The following AKAP13 variants were observed in gnomAD, a reference collection of about 807,000 sequenced individuals.
The protein encoded by AKAP13 is A-kinase anchor protein 13.
A neutral mutation model predicts 264.5 loss-of-function variants in AKAP13; 80 were observed. The ratio of observed to expected loss-of-function variants is 0.30; its 90% CI spans 0.25 to 0.36. The LOEUF is 0.36. Among genes scored for constraint, AKAP13 ranks in the 10% least tolerant of loss-of-function variants. The probability of loss-of-function intolerance (pLI) is 1.00; values close to 1 mark genes in which losing one functional copy is unlikely to be tolerated. For missense variants in AKAP13, 3,712 were observed against 3,435.2 expected, an observed-to-expected ratio of 1.08 and a Z score of -2.01; for synonymous variants, 1,380 against 1,250.2, an observed-to-expected ratio of 1.10 and a Z score of -2.19.
chr15:85,692,055 G>A (rs988113740), intron 16 of AKAP13, among the ~76,000 whole-genome samples: 1 of 152,030 alleles, frequency 6.6e-6, no homozygotes, highest in African/African-American at 2.4e-5. Flanking sequence ...CAACAAAGGT[G>A]GTTTTTGAGA....
intron 1 of AKAP13, among the ~76,000 whole-genome samples, chr15:85,438,593 C>G (rs1438984037): frequency 2.1e-5 from 3 of 146,314 alleles, no homozygotes; most frequent in African/African-American, 5.1e-5. Context: ...GTAACCAAAA[C>G]AGCATGGTAC....
At chr15:85,473,732 G>A (rs1384770350) in intron 1 of AKAP13, among the ~76,000 whole-genome samples, 1 of 152,128 alleles carries the variant, frequency 6.6e-6, no homozygotes, top group Non-Finnish European at 1.5e-5. Context: ...GAGAGGGGAG[G>A]GAGGTGAAGC....
Position 85,579,398 on chromosome 15 carries a change from G to A in AKAP13, c.1330G>A (p.Ala444Thr), listed in dbSNP as rs1402978549. ...CCAGGAGTCCCTGAGCAGTGGAGATGCTGTGCTTCAGAGAGACTTGGTCAT... is the reference window on the plus strand; with the variant it reads ...CCAGGAGTCCCTGAGCAGTGGAGATACTGTGCTTCAGAGAGACTTGGTCAT... ...TDQESLSSGD[A>T]VLQRDLVMEP... The change falls in exon 7 of 37, where the codon GCT (alanine) becomes ACT (threonine). Residue 444 changes from alanine to threonine, a missense_variant. Coordinates refer to ENST00000394518, the MANE Select transcript of AKAP13 (RefSeq NM_007200.5). The A allele has an allele frequency of 1.2e-6, 2 of 1,614,044 alleles. No homozygotes were observed. The highest frequency in any genetic ancestry group is 2.7e-5 in the African/African-American group (2 of 74,936).
In AKAP13 at chr15:85,513,840, G is replaced by A. The variant is rs578080222; in HGVS notation, c.34-7588G>A. On this transcript the variant is annotated intron_variant, in intron 2 of 36. Coordinates refer to ENST00000394518, the MANE Select transcript of AKAP13 (RefSeq NM_007200.5). ...CTTAATAGACTGTTTCTCATTGTCC[G>A]ACGTTTCCTTGTGATTAGGTTGAGG... Among the ~76,000 whole-genome samples, 5 of 140,604 alleles carry A rather than the reference G, an allele frequency of 3.6e-5. 1 individual carries two copies. The highest frequency in any genetic ancestry group is 2.0e-4 in the East Asian group (1 of 4,962). The allele number at this position is 140,604 out of a possible 152,430, so 92.2% of individuals were successfully genotyped here. A position where few individuals can be genotyped will look rare whatever the true frequency, so the allele number is the denominator to read the frequency against.
At chr15:85,667,894 G>A (rs956994607) in intron 13 of AKAP13, among the ~76,000 whole-genome samples, 1 of 152,168 alleles carries the variant, frequency 6.6e-6, no homozygotes, top group African/African-American at 2.4e-5. Flanking sequence ...TTAGTAAGAC[G>A]TTACTACTAC....
At chr15:85,737,920 T>G (rs2088661312) in intron 33 of AKAP13, among the ~76,000 whole-genome samples, 2 of 152,104 alleles carry the variant, frequency 1.3e-5, no homozygotes, top group Admixed American at 1.3e-4. Context: ...GTTACAGGCG[T>G]GAGTCACTGC....
intron 8 of AKAP13, among the ~76,000 whole-genome samples, chr15:85,615,443 G>A (rs34387822): frequency 0.41 from 62,768 of 151,766 alleles, 13,786 homozygotes; most frequent in East Asian, 0.57. Context: ...ATCCTTTGCA[G>A]CCATTGTAAA....
chr15:85,442,429 T>A (rs1369217249), intron 1 of AKAP13, among the ~76,000 whole-genome samples: 17 of 127,560 alleles, frequency 1.3e-4, no homozygotes, highest in African/African-American at 3.5e-4. Flanking sequence ...AAAAAATATA[T>A]ATATATATAA....
intron 4 of AKAP13, chr15:85,534,212 T>C (rs1238004692): frequency 2.8e-6 from 1 of 356,064 alleles, no homozygotes; most frequent in Non-Finnish European, 5.0e-6. Context: ...CTTTTTGGTG[T>C]TTAATGATCA....
chr15:85,430,751 T>C (rs2072991347), intron 1 of AKAP13, among the ~76,000 whole-genome samples: 1 of 152,228 alleles, frequency 6.6e-6, no homozygotes, highest in South Asian at 2.1e-4. Flanking sequence ...CGGGGCGTCA[T>C]GCTTGCTGGC....
chr15:85,587,145 A>T (rs2079394460), intron 8 of AKAP13, among the ~76,000 whole-genome samples: 1 of 152,206 alleles, frequency 6.6e-6, no homozygotes, highest in African/African-American at 2.4e-5. Context: ...CCCCAGACCC[A>T]TTAGCAGTGT....
chr15:85,605,051 A>G (rs912740662), intron 8 of AKAP13, among the ~76,000 whole-genome samples: 1 of 152,140 alleles, frequency 6.6e-6, no homozygotes, highest in African/African-American at 2.4e-5. Context: ...GCCCCTGGTA[A>G]TAATTTATGC....
chr15:85,516,953 GTATT>G (rs1169285100), intron 2 of AKAP13, among the ~76,000 whole-genome samples: 8 of 152,202 alleles, frequency 5.3e-5, no homozygotes, highest in African/African-American at 1.7e-4. Flanking sequence ...TAAGTTTTGA[GTATT>G]TATGACATTT....
At chr15:85,719,809 G>C (rs564166619) in intron 23 of AKAP13, among the ~76,000 whole-genome samples, 1 of 152,000 alleles carries the variant, frequency 6.6e-6, no homozygotes, top group South Asian at 2.1e-4. Flanking sequence ...GTGGCATATG[G>C]GAGACTGAGA....
chr15:85,595,935 C>CG (rs2079805684), intron 8 of AKAP13, among the ~76,000 whole-genome samples: 1 of 152,150 alleles, frequency 6.6e-6, no homozygotes, highest in Non-Finnish European at 1.5e-5. Flanking sequence ...AGTAGTATTT[C>CG]TGTTTAAATA....
chr15:85,581,439 A>T lies in AKAP13; in HGVS notation c.3371A>T (p.Gln1124Leu). The T allele has an allele frequency of 6.2e-7, 1 of 1,614,238 alleles. No individual in the cohort carries two copies. Residue 1124 changes from glutamine to leucine, a missense_variant, in exon 7 of 37, where the codon CAA (glutamine) becomes CTA (leucine). Physicochemically the swap from Gln to Leu is moderately radical, Grantham distance 113. This residue lies in a region of AKAP13 where 2,759 missense variants were observed against 2,411.7 expected (regional missense o/e 1.14). Coordinates refer to ENST00000394518, the MANE Select transcript of AKAP13 (RefSeq NM_007200.5). ...CTGATTCCAAACGTCTTGTTGAGCCAAGAGAAGAATGCCGTTCTAGGTTTG... is the reference window on the plus strand; with the variant it reads ...CTGATTCCAAACGTCTTGTTGAGCCTAGAGAAGAATGCCGTTCTAGGTTTG... ...DILIPNVLLSQEKNAVLGLPV... is the reference protein window; with the variant it reads ...DILIPNVLLSLEKNAVLGLPV...
In AKAP13 at chr15:85,579,318, C is replaced by T; in HGVS notation, c.1250C>T (p.Ser417Phe). The T allele has an allele frequency of 6.2e-7, 1 of 1,614,210 alleles. No homozygotes were observed. The highest frequency in any genetic ancestry group is 8.5e-7 in the Non-Finnish European group (1 of 1,180,038). Residue 417 changes from serine (S) to phenylalanine (F), a missense_variant, in exon 7 of 37, where the codon TCC becomes TTC. Ser to Phe is a radical substitution (Grantham distance 155, BLOSUM62 -2). Coordinates refer to ENST00000394518, the MANE Select transcript of AKAP13 (RefSeq NM_007200.5). ...GTAAAGGGCACGGAAGGCCTTTCGT[C>T]CTGTGGAAACAGAAATGAAGAAACT... ...CGVKGTEGLS[S>F]CGNRNEETGT... is the part of the protein sequence containing the mutation.
At chr15:85,460,791 G>C (rs1332003271) in intron 1 of AKAP13, among the ~76,000 whole-genome samples, 1 of 152,196 alleles carries the variant, frequency 6.6e-6, no homozygotes, top group African/African-American at 2.4e-5. Flanking sequence ...GCTGCATGCA[G>C]CCAAGAGATG....
chr15:85,412,707 A>G (rs1183568600), intron 1 of AKAP13, among the ~76,000 whole-genome samples: 1 of 152,258 alleles, frequency 6.6e-6, no homozygotes, highest in Non-Finnish European at 1.5e-5. Context: ...ACCACTGATT[A>G]TAGCTTACAA....
Sources: allele counts gnomAD v4.1 joint callset (sites outside exome capture counted in the v4.1 genomes callset), GRCh38; gene constraint gnomAD v4.1.1; regional missense constraint gnomAD v4.1.1; transcripts MANE v1.5; gene names NCBI Gene and HGNC (gene_info 2026-07-23, HGNC 2026-07-21).